PACRGL: variants seen among roughly 807,000 people sequenced by gnomAD.
The protein encoded by PACRGL is PACRG-like protein.
A neutral mutation model predicts 34.5 loss-of-function variants in PACRGL; 38 were observed. That is an observed-to-expected ratio of 1.10 (90% CI 0.85 to 1.44). The LOEUF (loss-of-function observed/expected upper bound fraction) is 1.44, where lower values mean the gene tolerates loss of function less well. Ranked by LOEUF, PACRGL falls within the 40% of genes most tolerant of loss-of-function variation. The pLI is 0.00. For missense variants in PACRGL, 305 were observed against 281.4 expected (o/e 1.08, Z -0.60); for synonymous variants, 128 against 100.1 (o/e 1.28, Z -1.66).
chr4:20,738,298 T>C (rs905156512), intron 8 of PACRGL, among the ~76,000 whole-genome samples: 6 of 152,196 alleles, frequency 3.9e-5, no homozygotes, highest in Non-Finnish European at 5.9e-5. Flanking sequence ...TAATAATATG[T>C]CATTAATTGT....
chr4:20,763,160 T>C, the PACRGL span, among the ~76,000 whole-genome samples: 1 of 152,148 alleles, frequency 6.6e-6, no homozygotes. Context: ...CATAACCACA[T>C]CACCAGTTGA....
chr4:20,745,524 C>G (rs748651949), intron 8 of PACRGL, among the ~76,000 whole-genome samples: 1 of 152,160 alleles, frequency 6.6e-6, no homozygotes, highest in African/African-American at 2.4e-5. Flanking sequence ...AAGTGACAAA[C>G]TTAACAACAA....
the PACRGL span, chr4:20,759,031 A>G: frequency 3.2e-6 from 2 of 616,398 alleles, no homozygotes; most frequent in East Asian, 5.5e-5. Context: ...AAAGGGAATA[A>G]AAGCACACTA....
intron 3 of PACRGL, 97 bp downstream of exon 3, chr4:20,704,911 C>T: frequency 3.6e-6 from 5 of 1,390,262 alleles, no homozygotes; most frequent in Middle Eastern, 1.9e-4. Flanking sequence ...TGTCCCTTTG[C>T]TAGTTTTGAG....
intron 3 of PACRGL, among the ~76,000 whole-genome samples, chr4:20,705,362 G>A (rs924799972): frequency 6.6e-6 from 1 of 152,130 alleles, no homozygotes; most frequent in African/African-American, 2.4e-5. Flanking sequence ...ACTTTGGTAG[G>A]GTGAGATGTT....
At chr4:20,756,576 G>A (rs1261098872), downstream of PACRGL, among the ~76,000 whole-genome samples, 3 of 151,950 alleles carry the variant, frequency 2.0e-5, no homozygotes, top group Non-Finnish European at 4.4e-5. Context: ...TGTAAGTGCT[G>A]TCTCTATTGG....
downstream of PACRGL, chr4:20,732,761 T>C (rs764519418): frequency 6.2e-7 from 1 of 1,609,216 alleles, no homozygotes; most frequent in South Asian, 1.1e-5. Flanking sequence ...ATATCGTATA[T>C]TGCTTTCATT....
chr4:20,705,526 C>G (rs1472049825), intron 3 of PACRGL, among the ~76,000 whole-genome samples: 1 of 152,074 alleles, frequency 6.6e-6, no homozygotes, highest in Non-Finnish European at 1.5e-5. Flanking sequence ...AGCAAAGTGA[C>G]AAATAGTTTG....
chr4:20,714,116 T>C (rs1028446811), intron 7 of PACRGL, among the ~76,000 whole-genome samples: 3 of 152,136 alleles, frequency 2.0e-5, no homozygotes, highest in African/African-American at 7.2e-5. Context: ...TCTCCCATTA[T>C]TATTGTGTGG....
intron 4 of PACRGL, among the ~76,000 whole-genome samples, chr4:20,708,354 T>G (rs993694757): frequency 1.3e-5 from 2 of 152,156 alleles, no homozygotes; most frequent in Non-Finnish European, 2.9e-5. Flanking sequence ...ACAATTTATT[T>G]CTATAAAGCA....
chr4:20,730,007 A>AAAG lies in PACRGL; in HGVS notation c.*2667_*2669dup, dbSNP rs1338055240. On this transcript the variant is annotated 3_prime_UTR_variant, in exon 9 of 9. Transcript: ENST00000503585. Reference sequence around the variant, plus strand: ...GTGTCAAGCTGAGCAATCTATGCTAAAAGTGGTAGCTCCAACTTTAAGGGT... The same window carrying AAAG: ...GTGTCAAGCTGAGCAATCTATGCTAAAAGAAGTGGTAGCTCCAACTTTAAGGGT... The AAAG allele has an allele frequency of 2.0e-6, 3 of 1,524,248 alleles. No individual in the cohort carries two copies. In the African/African-American group the frequency reaches 4.2e-5, roughly 21 times the overall value. The allele number at this position is 1,524,248 out of a possible 1,614,324, so 94.4% of individuals were successfully genotyped here.
chr4:20,719,830 T>G, intron 7 of PACRGL, among the ~76,000 whole-genome samples: 1 of 152,062 alleles, frequency 6.6e-6, no homozygotes, highest in Non-Finnish European at 1.5e-5. Flanking sequence ...GAGAGTTCTG[T>G]AGATGTCTAT....
chr4:20,744,768 A>G (rs1752046133), intron 8 of PACRGL, among the ~76,000 whole-genome samples: 1 of 152,110 alleles, frequency 6.6e-6, no homozygotes, highest in Non-Finnish European at 1.5e-5. Flanking sequence ...AAAGAATAAT[A>G]ATAATAAAAA....
chr4:20,754,087 A>G (rs956132193), downstream of PACRGL, among the ~76,000 whole-genome samples: 7 of 152,124 alleles, frequency 4.6e-5, no homozygotes, highest in Non-Finnish European at 8.8e-5. Flanking sequence ...TTGTATGTGG[A>G]GTTTAAGAAG....
At chr4:20,765,297 A>G in the PACRGL span, among the ~76,000 whole-genome samples, 8 of 152,136 alleles carry the variant, frequency 5.3e-5, no homozygotes, top group African/African-American at 1.7e-4. Context: ...GACTGAAAAC[A>G]TAGTCTCCTG....
At chr4:20,736,990 T>TA (rs1309357513), downstream of PACRGL, among the ~76,000 whole-genome samples, 3 of 152,148 alleles carry the variant, frequency 2.0e-5, no homozygotes, top group Admixed American at 2.0e-4. Context: ...TGAGTCTAGA[T>TA]ATAAACCAGC....
chr4:20,765,455 T>C, the PACRGL span, among the ~76,000 whole-genome samples: 1 of 152,220 alleles, frequency 6.6e-6, no homozygotes, highest in Non-Finnish European at 1.5e-5. Flanking sequence ...AAATTTATTG[T>C]GCATTGTAGC....
chr4:20,711,023 A>G (rs747547502), intron 5 of PACRGL, among the ~76,000 whole-genome samples: 36 of 152,112 alleles, frequency 2.4e-4, no homozygotes, highest in Non-Finnish European at 4.7e-4. Context: ...CCCTGTCTCT[A>G]CAAAAAAGAA....
At chr4:20,707,071 A>G (rs1268509762) in intron 3 of PACRGL, among the ~76,000 whole-genome samples, 2 of 152,220 alleles carry the variant, frequency 1.3e-5, no homozygotes, top group East Asian at 1.9e-4. Context: ...TTTGTAATTT[A>G]GACAACTATT....
Sources: gnomAD v4.1 joint callset for allele counts (sites outside exome capture counted in the v4.1 genomes callset) on GRCh38, gnomAD v4.1.1 for gene constraint, MANE v1.5 for transcripts, NCBI Gene and HGNC (gene_info 2026-07-23, HGNC 2026-07-21) for gene names.